The following PACRG variants were observed in gnomAD, a reference collection of about 807,000 sequenced individuals.
The protein encoded by PACRG is parkin coregulated gene protein.
Under a neutral mutation model 29.7 loss-of-function variants are expected in PACRG, and 29 were observed. That is an observed-to-expected ratio of 0.98 (90% CI 0.73 to 1.33). PACRG has a LOEUF of 1.33. Among genes scored for constraint, PACRG ranks in the 40% most tolerant of loss-of-function variants. The pLI, the probability that PACRG is intolerant of heterozygous loss-of-function variation, is 0.00. For missense variants in PACRG, 279 were observed against 316.2 expected, an observed-to-expected ratio of 0.88 and a Z score of 0.89; for synonymous variants, 116 against 118.7, an observed-to-expected ratio of 0.98 and a Z score of 0.15.
chr6:163,024,827 C>T (rs933383489), intron 2 of PACRG, among the ~76,000 whole-genome samples: 34 of 152,080 alleles, frequency 2.2e-4, no homozygotes, highest in African/African-American at 7.0e-4. Context: ...AATTCCTCAA[C>T]AAAATGCTAG....
intron 4 of PACRG, among the ~76,000 whole-genome samples, chr6:163,161,629 G>A (rs1301647800): frequency 6.6e-6 from 1 of 152,164 alleles, no homozygotes; most frequent in Non-Finnish European, 1.5e-5. Flanking sequence ...ACAGTCTTAA[G>A]AATAGAATGT....
intron 4 of PACRG, chr6:163,312,710 T>A (rs1297961805): frequency 5.2e-6 from 2 of 384,156 alleles, no homozygotes; most frequent in East Asian, 1.9e-4. Context: ...AGGACCCTTT[T>A]GTTTCAAAAT....
intron 2 of PACRG, among the ~76,000 whole-genome samples, chr6:163,039,786 C>T (rs1562856512): frequency 6.6e-6 from 1 of 152,146 alleles, no homozygotes; most frequent in Non-Finnish European, 1.5e-5. Flanking sequence ...TTTCTGAAAG[C>T]ATTCAGTTAT....
In PACRG at chr6:162,878,256, A is replaced by G. The variant is rs371820128; in HGVS notation, c.291+63975A>G. Among the ~76,000 whole-genome samples, 7 of 152,190 alleles carry G rather than the reference A, an allele frequency of 4.6e-5. No homozygotes were observed. The South Asian group carries it at 1.4e-3, about 31-fold the overall frequency. On this transcript the variant is annotated intron_variant, in intron 2 of 4. Coordinates refer to ENST00000366888, the MANE Select transcript of PACRG (RefSeq NM_001080379.2). ...ATTAAAAATTGACATTATGACACAGAAATGAGATATTAAATTATAACAACA... is the reference window on the plus strand; with the variant it reads ...ATTAAAAATTGACATTATGACACAGGAATGAGATATTAAATTATAACAACA...
chr6:162,821,895 G>T (rs1787875276), intron 2 of PACRG, among the ~76,000 whole-genome samples: 2 of 152,156 alleles, frequency 1.3e-5, no homozygotes, highest in African/African-American at 4.8e-5. Context: ...GAATCAGATT[G>T]GCAGTATGCT....
chr6:163,062,063 T>C (rs1401172772), intron 2 of PACRG, 87 bp from the exon 3 acceptor site: 16 of 1,400,856 alleles, frequency 1.1e-5, no homozygotes, highest in Admixed American at 1.9e-5. Flanking sequence ...CGTGCCCCTC[T>C]GGAGTGGGTG....
intron 4 of PACRG, among the ~76,000 whole-genome samples, chr6:163,215,717 T>C (rs920019800): frequency 7.9e-5 from 12 of 152,102 alleles, no homozygotes; most frequent in African/African-American, 2.4e-4. Context: ...TGACGAGTAA[T>C]GGCCCCTGGT....
At chr6:163,149,195 G>A (rs921261185) in intron 4 of PACRG, among the ~76,000 whole-genome samples, 1 of 151,908 alleles carries the variant, frequency 6.6e-6, no homozygotes, top group Non-Finnish European at 1.5e-5. Flanking sequence ...AGTCCAGGCC[G>A]GTCGGGTGTC....
At chr6:163,028,084 C>A (rs1247539590) in intron 2 of PACRG, among the ~76,000 whole-genome samples, 1 of 152,174 alleles carries the variant, frequency 6.6e-6, no homozygotes. Context: ...TGCATACTAA[C>A]CCCAAAAGAG....
chr6:162,772,712 G>A (rs1783315083), intron 1 of PACRG, among the ~76,000 whole-genome samples: 1 of 152,166 alleles, frequency 6.6e-6, no homozygotes, highest in Non-Finnish European at 1.5e-5. Context: ...GCAATACAAA[G>A]AGTAGGCTAG....
intron 2 of PACRG, among the ~76,000 whole-genome samples, chr6:163,029,184 A>G (rs1807425919): frequency 6.6e-6 from 1 of 152,200 alleles, no homozygotes; most frequent in Non-Finnish European, 1.5e-5. Flanking sequence ...GGCCGAAAAG[A>G]TAAGGAGACA....
intron 4 of PACRG, chr6:163,112,012 T>C: frequency 1.1e-6 from 1 of 936,988 alleles, no homozygotes. Flanking sequence ...TTTCACTTGA[T>C]TTGCTTTATT....
At chr6:162,955,294 GTTTGTT>G (rs1405172181) in intron 2 of PACRG, among the ~76,000 whole-genome samples, 2 of 150,208 alleles carry the variant, frequency 1.3e-5, no homozygotes, top group East Asian at 4.0e-4. Flanking sequence ...TGTTGTTGTT[GTTTGTT>G]TTTGTTTTTG....
chr6:163,254,998 G>A (rs902561090), intron 4 of PACRG, among the ~76,000 whole-genome samples: 7 of 152,142 alleles, frequency 4.6e-5, no homozygotes. Flanking sequence ...TCCCTTACAC[G>A]TGAAACCGAG....
rs557638520 is a variant in PACRG, at chr6:163,125,261, TA to T, written c.613+35856del. 4.0e-3 allele frequency among the ~76,000 whole-genome samples: 614 copies of T among 152,346 alleles called. 18 individuals are homozygous for T. The highest frequency in any genetic ancestry group is 0.031 in the Admixed American group (481 of 15,304). ...GTCTCCAGATACTTTTAAGGATGTT[TA>T]AAGATTTAGGTGTAAAAATATTAAA... On this transcript the variant is annotated intron_variant, in intron 4 of 4. Transcript: ENST00000366888.
chr6:163,203,091 T>C (rs770033216), intron 4 of PACRG, among the ~76,000 whole-genome samples: 1 of 152,054 alleles, frequency 6.6e-6, no homozygotes, highest in African/African-American at 2.4e-5. Flanking sequence ...GACCCACAAT[T>C]ATCCTCACTC....
At chr6:163,203,368 G>C (rs1025749599) in intron 4 of PACRG, among the ~76,000 whole-genome samples, 3 of 152,152 alleles carry the variant, frequency 2.0e-5, no homozygotes, top group African/African-American at 7.2e-5. Flanking sequence ...AGCCGAGATT[G>C]CGCCATTGCA....
intron 2 of PACRG, among the ~76,000 whole-genome samples, chr6:162,854,697 C>A (rs1791223282): frequency 6.6e-6 from 1 of 152,128 alleles, no homozygotes; most frequent in Non-Finnish European, 1.5e-5. Flanking sequence ...GGCCTCTGTA[C>A]GGCTAGTTAT....
chr6:163,117,026 G>GA (rs1454746618), intron 4 of PACRG, among the ~76,000 whole-genome samples: 2 of 152,196 alleles, frequency 1.3e-5, no homozygotes, highest in Non-Finnish European at 2.9e-5. Context: ...ACCCTCGGAG[G>GA]AAGAGTTTCA....
Sources: gnomAD v4.1 joint callset for allele counts (sites outside exome capture counted in the v4.1 genomes callset) on GRCh38, gnomAD v4.1.1 for gene constraint, MANE v1.5 for transcripts, NCBI Gene and HGNC (gene_info 2026-07-23, HGNC 2026-07-21) for gene names.